The following UBE2D2 variants were observed in gnomAD, a reference collection of about 807,000 sequenced individuals.
The protein encoded by UBE2D2 is ubiquitin-conjugating enzyme E2 D2.
Under a neutral mutation model 24.2 loss-of-function variants are expected in UBE2D2, and 2 were observed. The observed-to-expected ratio is 0.08, with a 90% CI of 0.03 to 0.26. UBE2D2 has a LOEUF of 0.26. UBE2D2 is among the 10% of genes least tolerant of loss of function. UBE2D2 has a pLI of 1.00. For missense variants in UBE2D2, 44 were observed against 177.6 expected (o/e 0.25, Z 4.28); for synonymous variants, 58 against 56.5 (o/e 1.03, Z -0.12).
intron 5 of UBE2D2, among the ~76,000 whole-genome samples, chr5:139,619,486 A>C (rs1754475588): frequency 6.6e-6 from 1 of 152,184 alleles, no homozygotes; most frequent in Non-Finnish European, 1.5e-5. Flanking sequence ...AAGAGTTACT[A>C]TCTTTACAGA....
intron 1 of UBE2D2, among the ~76,000 whole-genome samples, chr5:139,552,047 T>C (rs1276499725): frequency 6.6e-6 from 1 of 152,238 alleles, no homozygotes; most frequent in Non-Finnish European, 1.5e-5. Flanking sequence ...GTATAATTCC[T>C]TGGATAAACC....
intron 2 of UBE2D2, among the ~76,000 whole-genome samples, chr5:139,608,909 A>G (rs1408372873): frequency 6.6e-6 from 1 of 152,026 alleles, no homozygotes; most frequent in Non-Finnish European, 1.5e-5. Context: ...ACATGGTGAA[A>G]CCCAGTCTCC....
intron 1 of UBE2D2, among the ~76,000 whole-genome samples, chr5:139,544,356 C>T (rs993321526): frequency 2.0e-5 from 3 of 151,024 alleles, no homozygotes; most frequent in East Asian, 2.0e-4. Flanking sequence ...GGCGCGATCT[C>T]GGATCACCGC....
chr5:139,562,052 C>T, intron 1 of UBE2D2: 1 of 826,384 alleles, frequency 1.2e-6, no homozygotes, highest in Non-Finnish European at 1.8e-6. Context: ...GGCTGCCCTT[C>T]CAGGCCCGCA....
At chr5:139,532,440 C>T (rs1752609163) in intron 1 of UBE2D2, among the ~76,000 whole-genome samples, 2 of 152,122 alleles carry the variant, frequency 1.3e-5, no homozygotes, top group African/African-American at 4.8e-5. Context: ...CAAGCTCCGC[C>T]TCCTCGGTTC....
At chr5:139,600,150 C>G in intron 1 of UBE2D2, 1 of 620,986 alleles carries the variant, frequency 1.6e-6, no homozygotes, top group Non-Finnish European at 2.9e-6. Flanking sequence ...TTGCTAAGCT[C>G]TGAACAAAGC....
chr5:139,564,105 T>C (rs261534), intron 1 of UBE2D2, among the ~76,000 whole-genome samples: 68,358 of 152,102 alleles, frequency 0.45, 20,312 homozygotes, highest in African/African-American at 0.85. Context: ...TAGATTTTCC[T>C]TAAAATATGC....
chr5:139,565,422 G>C (rs1753195165), intron 1 of UBE2D2, among the ~76,000 whole-genome samples: 1 of 152,066 alleles, frequency 6.6e-6, no homozygotes, highest in Non-Finnish European at 1.5e-5. Context: ...CTTTGGGATT[G>C]TTGGTATCTA....
intron 1 of UBE2D2, among the ~76,000 whole-genome samples, chr5:139,599,860 G>A (rs535108090): frequency 1.3e-5 from 2 of 152,154 alleles, no homozygotes; most frequent in African/African-American, 4.8e-5. Context: ...CTGGAGTGCA[G>A]TGGTGCAATC....
chr5:139,561,980 G>A, intron 1 of UBE2D2, 165 bp downstream of exon 1: 5 of 1,044,314 alleles, frequency 4.8e-6, no homozygotes, highest in Non-Finnish European at 1.3e-6. Flanking sequence ...CGCCCGTGGA[G>A]GCCCCGGCGC....
At chr5:139,584,971 G>C (rs1331574878) in intron 1 of UBE2D2, among the ~76,000 whole-genome samples, 1 of 151,292 alleles carries the variant, frequency 6.6e-6, no homozygotes, top group Non-Finnish European at 1.5e-5. Context: ...CGCGATCTCG[G>C]CTGACTGCAA....
chr5:139,584,901 C>CT (rs113991993), intron 1 of UBE2D2, among the ~76,000 whole-genome samples: 2,345 of 129,632 alleles, frequency 0.018, 66 homozygotes, highest in African/African-American at 0.057. Flanking sequence ...TATAAACTAA[C>CT]TTTTTTTTTT....
chr5:139,586,546 A>C lies in UBE2D2; in HGVS notation c.25-13826A>C, dbSNP rs568112436. Among the ~76,000 whole-genome samples the C allele has an allele frequency of 1.0e-3, 156 of 152,278 alleles. 1 individual carries two copies. Among genetic ancestry groups the C allele is most frequent in the African/African-American group, 3.7e-3 (152 of 41,560 alleles). On this transcript the variant is annotated intron_variant, in intron 1 of 6. Coordinates refer to ENST00000398733, the MANE Select transcript of UBE2D2 (RefSeq NM_003339.3). The stretch of plus-strand genomic sequence containing the variant: ...TTTGGGAGGCCGAGGCGGGCGGATC[A>C]CGAGGTCAGGAGATGGAGACCATCC...
At chr5:139,569,601 AAACTAT>A (rs1753308824) in intron 1 of UBE2D2, among the ~76,000 whole-genome samples, 1 of 152,210 alleles carries the variant, frequency 6.6e-6, no homozygotes, top group Admixed American at 6.5e-5. Flanking sequence ...AAATCATGTT[AAACTAT>A]AATATAGGGA....
intron 2 of UBE2D2, among the ~76,000 whole-genome samples, chr5:139,603,577 C>T (rs191643): frequency 4.7e-5 from 7 of 147,688 alleles, no homozygotes; most frequent in African/African-American, 1.8e-4. Context: ...AGCCGAGATC[C>T]CGCCACTACA....
At chr5:139,559,437 AAAAG>A (rs1395147201), upstream of UBE2D2, among the ~76,000 whole-genome samples, 2 of 152,110 alleles carry the variant, frequency 1.3e-5, no homozygotes, top group Non-Finnish European at 2.9e-5. Context: ...AAAAAAAAAA[AAAAG>A]AAATCTGTCC....
intron 1 of UBE2D2, among the ~76,000 whole-genome samples, chr5:139,580,411 A>G (rs1753573419): frequency 6.6e-6 from 1 of 152,070 alleles, no homozygotes; most frequent in Non-Finnish European, 1.5e-5. Flanking sequence ...GCTTGAGTCC[A>G]GGAGTATAAG....
chr5:139,616,074 T>C (rs1164182847), intron 5 of UBE2D2, among the ~76,000 whole-genome samples: 1 of 150,850 alleles, frequency 6.6e-6, no homozygotes, highest in Admixed American at 6.6e-5. Flanking sequence ...GACCTTATGA[T>C]CCACCTGCCT....
intron 1 of UBE2D2, among the ~76,000 whole-genome samples, chr5:139,566,283 T>G (rs1299982942): frequency 6.6e-6 from 1 of 152,108 alleles, no homozygotes; most frequent in Admixed American, 6.6e-5. Flanking sequence ...CCTCCCAAAG[T>G]GTTGGGATTA....
Sources: allele counts gnomAD v4.1 joint callset (sites outside exome capture counted in the v4.1 genomes callset), GRCh38; gene constraint gnomAD v4.1.1; transcripts MANE v1.5; gene names NCBI Gene and HGNC (gene_info 2026-07-23, HGNC 2026-07-21).